The following PCCA variants were observed in gnomAD, a reference collection of about 807,000 sequenced individuals.
PCCA encodes the protein propionyl-CoA carboxylase alpha chain, mitochondrial.
Under a neutral mutation model 101.3 loss-of-function variants are expected in PCCA, and 74 were observed. The observed-to-expected ratio is 0.73, with a 90% CI of 0.61 to 0.89. The LOEUF (loss-of-function observed/expected upper bound fraction) is 0.89, where lower values mean the gene tolerates loss of function less well. Ranked by LOEUF, PCCA falls within the 40% of genes least tolerant of loss-of-function variation. PCCA has a pLI of 0.00. For missense variants in PCCA, 891 were observed against 907.0 expected, an observed-to-expected ratio of 0.98 and a Z score of 0.23; for synonymous variants, 294 against 313.6, an observed-to-expected ratio of 0.94 and a Z score of 0.66.
intron 2 of PCCA, among the ~76,000 whole-genome samples, chr13:100,105,763 G>C (rs2047709831): frequency 7.1e-6 from 1 of 140,616 alleles, no homozygotes; most frequent in South Asian, 2.2e-4. Flanking sequence ...GATCACTTGA[G>C]CCCAGGAGGT....
chr13:100,219,441 G>A (rs933914474), intron 7 of PCCA, among the ~76,000 whole-genome samples: 6 of 152,126 alleles, frequency 3.9e-5, no homozygotes, highest in Non-Finnish European at 8.8e-5. Context: ...GTTTACACGG[G>A]AGATTTTTCC....
chr13:100,388,637 G>A (rs1178754977), intron 19 of PCCA, among the ~76,000 whole-genome samples: 46 of 152,022 alleles, frequency 3.0e-4, no homozygotes, highest in Admixed American at 3.0e-3. Context: ...CTCTACTAAA[G>A]ATGCAAAAAT....
intron 12 of PCCA, among the ~76,000 whole-genome samples, chr13:100,287,349 G>A (rs1350104101): frequency 1.3e-5 from 2 of 151,752 alleles, no homozygotes; most frequent in East Asian, 3.9e-4. Context: ...TTTAACAGAA[G>A]AAAAAGAAAT....
At chr13:100,193,271 C>T (rs2057863571) in intron 6 of PCCA, among the ~76,000 whole-genome samples, 1 of 152,090 alleles carries the variant, frequency 6.6e-6, no homozygotes, top group African/African-American at 2.4e-5. Flanking sequence ...TCTTGAAGAC[C>T]CTCATTTTAC....
Position 100,307,223 on chromosome 13 carries a change from G to C in PCCA, c.1316G>C (p.Ser439Thr), listed in dbSNP as rs1244219297. Reference sequence around the variant, plus strand: ...GTGGACAGTGGCATCCAACCAGGAAGTGATATTAGCATTTATTATGATCCT... The same window carrying C: ...GTGGACAGTGGCATCCAACCAGGAACTGATATTAGCATTTATTATGATCCT... ...VRVDSGIQPG[S>T]DISIYYDPMI... Residue 439 changes from serine to threonine, a missense_variant, in exon 15 of 24, where the codon AGT becomes ACT. Ser to Thr is a moderately conservative substitution (Grantham distance 58). Coordinates refer to ENST00000376285, the MANE Select transcript of PCCA (RefSeq NM_000282.4). The C allele has an allele frequency of 6.2e-7, 1 of 1,610,956 alleles. No homozygotes were observed. The highest frequency in any genetic ancestry group is 8.5e-7 in the Non-Finnish European group (1 of 1,177,828).
At chr13:100,162,665 T>A (rs566214679) in intron 6 of PCCA, among the ~76,000 whole-genome samples, 1 of 151,360 alleles carries the variant, frequency 6.6e-6, no homozygotes, top group Non-Finnish European at 1.5e-5. Flanking sequence ...TGAAGGCAAA[T>A]CCTCACTTGG....
intron 21 of PCCA, among the ~76,000 whole-genome samples, chr13:100,457,028 G>A (rs942036074): frequency 1.3e-4 from 20 of 152,152 alleles, no homozygotes; most frequent in South Asian, 4.1e-4. Context: ...TCATGCGGGC[G>A]TGACAGAGGG....
At chr13:100,107,621 T>C (rs924289361) in intron 2 of PCCA, among the ~76,000 whole-genome samples, 4 of 152,216 alleles carry the variant, frequency 2.6e-5, no homozygotes, top group Non-Finnish European at 5.9e-5. Flanking sequence ...ATTTCTGACA[T>C]GAATACCTGG....
chr13:100,512,008 GC>G (rs1251765827), intron 21 of PCCA, among the ~76,000 whole-genome samples: 1 of 152,174 alleles, frequency 6.6e-6, no homozygotes, highest in Non-Finnish European at 1.5e-5. Flanking sequence ...AGGCATACAT[GC>G]CCAGTTGCAG....
intron 18 of PCCA, among the ~76,000 whole-genome samples, chr13:100,346,627 C>CT (rs2072266117): frequency 1.3e-5 from 2 of 151,714 alleles, no homozygotes; most frequent in Admixed American, 1.3e-4. Context: ...AGGATTGACT[C>CT]TAATTTTGAA....
intron 19 of PCCA, among the ~76,000 whole-genome samples, chr13:100,400,102 G>C (rs555003610): frequency 6.6e-6 from 1 of 152,326 alleles, no homozygotes; most frequent in South Asian, 2.1e-4. Flanking sequence ...CTTGGAGCAG[G>C]TGGGTGAATC....
At chr13:100,264,533 T>A (rs1295910617) in intron 10 of PCCA, among the ~76,000 whole-genome samples, 1 of 152,170 alleles carries the variant, frequency 6.6e-6, no homozygotes, top group Non-Finnish European at 1.5e-5. Flanking sequence ...CATCATCATA[T>A]CTTTGAGATT....
intron 21 of PCCA, among the ~76,000 whole-genome samples, chr13:100,493,330 G>A (rs1453879127): frequency 6.6e-6 from 1 of 152,196 alleles, no homozygotes; most frequent in African/African-American, 2.4e-5. Flanking sequence ...GACCTTCAAA[G>A]GCCTGTTGGG....
intron 2 of PCCA, among the ~76,000 whole-genome samples, chr13:100,106,143 T>C (rs901150437): frequency 1.3e-5 from 2 of 152,158 alleles, no homozygotes; most frequent in Non-Finnish European, 2.9e-5. Context: ...ATATTGTTTT[T>C]TTTTGCCTAT....
chr13:100,262,190 C>A (rs1386449096), intron 9 of PCCA, among the ~76,000 whole-genome samples: 2 of 152,000 alleles, frequency 1.3e-5, no homozygotes, highest in Non-Finnish European at 2.9e-5. Flanking sequence ...GTCAGGAGTT[C>A]AAGACCATCC....
intron 1 of PCCA, among the ~76,000 whole-genome samples, chr13:100,097,907 C>G (rs989014814): frequency 3.9e-5 from 6 of 151,916 alleles, no homozygotes; most frequent in Non-Finnish European, 8.8e-5. Flanking sequence ...ATCCATAGTC[C>G]CAGCTATTCA....
At chr13:100,106,904 A>G (rs950240757) in intron 2 of PCCA, among the ~76,000 whole-genome samples, 1 of 152,104 alleles carries the variant, frequency 6.6e-6, no homozygotes, top group African/African-American at 2.4e-5. Context: ...TGAGTGATGA[A>G]TATTCTTTGG....
intron 6 of PCCA, among the ~76,000 whole-genome samples, chr13:100,196,452 C>T (rs1027415065): frequency 6.6e-5 from 10 of 152,138 alleles, no homozygotes; most frequent in Non-Finnish European, 1.3e-4. Flanking sequence ...TAACTTCTGC[C>T]GACAGTTACA....
intron 4 of PCCA, among the ~76,000 whole-genome samples, chr13:100,131,885 G>A (rs1035120336): frequency 6.6e-6 from 1 of 152,200 alleles, no homozygotes; most frequent in Non-Finnish European, 1.5e-5. Flanking sequence ...TGACATTAGT[G>A]TAATGAAAAA....
Sources: allele counts gnomAD v4.1 joint callset (sites outside exome capture counted in the v4.1 genomes callset), GRCh38; gene constraint gnomAD v4.1.1; transcripts MANE v1.5; gene names NCBI Gene and HGNC (gene_info 2026-07-23, HGNC 2026-07-21).